Variants in NRXN3 observed in about 807,000 individuals in gnomAD.
NRXN3 encodes the protein neurexin III.
A neutral mutation model predicts 137.6 loss-of-function variants in NRXN3; 32 were observed. That is an observed-to-expected ratio of 0.23 (90% CI 0.18 to 0.31). The LOEUF (loss-of-function observed/expected upper bound fraction) is 0.31, where lower values mean the gene tolerates loss of function less well. Among genes scored for constraint, NRXN3 ranks in the 10% least tolerant of loss-of-function variants. NRXN3 has a pLI of 1.00. For missense variants in NRXN3, 1,574 were observed against 2,062.5 expected (o/e 0.76, Z 4.59); for synonymous variants, 798 against 784.5 (o/e 1.02, Z -0.29).
At chr14:79,732,206 A>G (rs138924097) in intron 19 of NRXN3, among the ~76,000 whole-genome samples, 51 of 152,172 alleles carry the variant, frequency 3.4e-4, no homozygotes, top group African/African-American at 1.2e-3. Context: ...TTTTACTGTA[A>G]TGAATCTATT....
At chr14:79,240,983 T>C (rs1006258289) in intron 15 of NRXN3, among the ~76,000 whole-genome samples, 1 of 152,162 alleles carries the variant, frequency 6.6e-6, no homozygotes, top group African/African-American at 2.4e-5. Context: ...TGTGTGTGCA[T>C]GTATGTGTCC....
At chr14:78,740,153 A>C (rs995645321) in intron 8 of NRXN3, among the ~76,000 whole-genome samples, 1 of 152,188 alleles carries the variant, frequency 6.6e-6, no homozygotes, top group African/African-American at 2.4e-5. Context: ...AAACTCTCAG[A>C]GCCCTAGTCT....
At chr14:79,317,284 A>T (rs2089000880) in intron 15 of NRXN3, among the ~76,000 whole-genome samples, 1 of 152,142 alleles carries the variant, frequency 6.6e-6, no homozygotes, top group Non-Finnish European at 1.5e-5. Context: ...GGAGGCTCTC[A>T]GGGAGGATCC....
At chr14:78,967,783 C>A (rs567176752) in intron 13 of NRXN3, among the ~76,000 whole-genome samples, 1 of 152,110 alleles carries the variant, frequency 6.6e-6, no homozygotes, top group East Asian at 1.9e-4. Context: ...CTTTTCTTTG[C>A]AAAATGAGGA....
intron 15 of NRXN3, among the ~76,000 whole-genome samples, chr14:79,460,896 T>A (rs2096328153): frequency 6.6e-6 from 1 of 152,214 alleles, no homozygotes. Flanking sequence ...CTTTCTCTCT[T>A]AATGTTCAGT....
chr14:79,528,682 TA>T (rs2097143378), intron 16 of NRXN3, among the ~76,000 whole-genome samples: 2 of 152,102 alleles, frequency 1.3e-5, no homozygotes, highest in Admixed American at 1.3e-4. Flanking sequence ...AGTTTTTTTT[TA>T]TTTCTAAGAC....
intron 15 of NRXN3, among the ~76,000 whole-genome samples, chr14:79,256,358 G>T (rs1385803437): frequency 1.3e-5 from 2 of 152,180 alleles, no homozygotes; most frequent in Admixed American, 1.3e-4. Flanking sequence ...CATAATTACT[G>T]TTGTCATTAG....
chr14:78,178,437 T>G (rs1383647164), intron 1 of NRXN3, among the ~76,000 whole-genome samples: 2 of 152,208 alleles, frequency 1.3e-5, no homozygotes, highest in Non-Finnish European at 2.9e-5. Flanking sequence ...TTTCCCAAGG[T>G]GTCCCCGTTA....
intron 4 of NRXN3, among the ~76,000 whole-genome samples, chr14:78,481,477 C>A (rs1415242711): frequency 6.6e-6 from 1 of 152,138 alleles, no homozygotes; most frequent in African/African-American, 2.4e-5. Flanking sequence ...CTTATTAAGG[C>A]TCATGGTGAT....
intron 10 of NRXN3, among the ~76,000 whole-genome samples, chr14:78,892,540 A>C (rs998145704): frequency 6.6e-6 from 1 of 151,772 alleles, no homozygotes; most frequent in Non-Finnish European, 1.5e-5. Flanking sequence ...GTGTGATCAA[A>C]ACTACCTTCC....
intron 10 of NRXN3, among the ~76,000 whole-genome samples, chr14:78,818,529 A>T (rs542172928): frequency 1.3e-5 from 2 of 152,166 alleles, no homozygotes; most frequent in Non-Finnish European, 2.9e-5. Flanking sequence ...AAAGGAATAT[A>T]TATTACTTTC....
chr14:79,586,071 T>A (rs2097763368), intron 16 of NRXN3, among the ~76,000 whole-genome samples: 1 of 152,210 alleles, frequency 6.6e-6, no homozygotes, highest in Non-Finnish European at 1.5e-5. Context: ...ACTTTTCAGT[T>A]TTCTTTTCCC....
At chr14:78,735,213 A>G (rs942984579) in intron 8 of NRXN3, among the ~76,000 whole-genome samples, 2 of 152,228 alleles carry the variant, frequency 1.3e-5, no homozygotes, top group African/African-American at 4.8e-5. Flanking sequence ...AGAGATTTTT[A>G]TTCAAAACAA....
rs79245261 is a variant in NRXN3 at position 78,835,286 on chromosome 14, G to A, written c.2275+24942G>A. Among the ~76,000 whole-genome samples the A allele has an allele frequency of 9.7e-3, 1,470 of 152,274 alleles. 31 individuals carry two copies. Among genetic ancestry groups the A allele is most frequent in the African/African-American group, 0.034 (1,407 of 41,548 alleles). ...TGCAGCCACCCCGTATGGGATTTAC[G>A]CACTTCACTAAGATTCTCTGCTGAA... is the stretch of plus-strand genomic sequence containing the variant. On this transcript the variant is annotated intron_variant, in intron 10 of 20. Coordinates refer to ENST00000335750, the MANE Select transcript of NRXN3 (RefSeq NM_001330195.2).
chr14:78,778,495 G>A (rs1378514871), intron 8 of NRXN3, among the ~76,000 whole-genome samples: 2 of 152,062 alleles, frequency 1.3e-5, no homozygotes, highest in Non-Finnish European at 2.9e-5. Flanking sequence ...AAATTTTGAG[G>A]AATCCTACTT....
intron 15 of NRXN3, among the ~76,000 whole-genome samples, chr14:79,126,307 C>A (rs549277640): frequency 1.3e-5 from 2 of 151,676 alleles, no homozygotes; most frequent in East Asian, 2.0e-4. Flanking sequence ...GTATATCTCC[C>A]AATGCTATCC....
At chr14:79,470,939 AAAGAGAGAGAGAGTGTGTGTGTGT>A (rs1243731797) in intron 16 of NRXN3, among the ~76,000 whole-genome samples, 11 of 85,780 alleles carry the variant, frequency 1.3e-4, no homozygotes, top group African/African-American at 4.8e-4. Context: ...AGAGAGAGAG[AAAGAGAGAGAGAGTGTGTGTGTGT>A]GTGTGTGTGT....
chr14:79,104,825 C>CTTT (rs34769633), intron 15 of NRXN3, among the ~76,000 whole-genome samples: 1 of 144,308 alleles, frequency 6.9e-6, no homozygotes, highest in Non-Finnish European at 1.5e-5. Flanking sequence ...TATGATAGGG[C>CTTT]TTTTTTTTTT....
chr14:79,430,263 A>G (rs943391609), intron 15 of NRXN3, among the ~76,000 whole-genome samples: 2 of 152,216 alleles, frequency 1.3e-5, no homozygotes, highest in Admixed American at 1.3e-4. Flanking sequence ...TCTTGAAGAC[A>G]GGATGTATCT....
Sources: allele counts gnomAD v4.1 joint callset (sites outside exome capture counted in the v4.1 genomes callset), GRCh38; gene constraint gnomAD v4.1.1; transcripts MANE v1.5; gene names NCBI Gene and HGNC (gene_info 2026-07-23, HGNC 2026-07-21).